The following LMO3 variants were observed in gnomAD, a reference collection of about 807,000 sequenced individuals.
LMO3 encodes the protein LIM domain only protein 3.
Under a neutral mutation model 15.8 loss-of-function variants are expected in LMO3, and 2 were observed. The ratio of observed to expected loss-of-function variants is 0.13; its 90% CI spans 0.05 to 0.40. The LOEUF (loss-of-function observed/expected upper bound fraction) is 0.40, where lower values mean the gene tolerates loss of function less well. Ranked by LOEUF, LMO3 falls within the 10% of genes least tolerant of loss-of-function variation. The probability of loss-of-function intolerance (pLI) is 0.99; values close to 1 mark genes in which losing one functional copy is unlikely to be tolerated. For synonymous variants in LMO3, 62 were observed against 63.8 expected (o/e 0.97, Z 0.13); for missense variants, 86 against 182.2 (o/e 0.47, Z 3.04).
In LMO3 at chr12:16,551,138, C is replaced by T; in HGVS notation, c.*84G>A. On this transcript the variant is annotated 3_prime_UTR_variant, in exon 4 of 4. Coordinates refer to ENST00000537304, the MANE Select transcript of LMO3 (RefSeq NM_018640.5). ...TATATCTACGCTATTCAGTAGGTTC[C>T]TGTGTCAATTCTTATGTACATGTGG... 1 of 876,554 alleles carries T rather than the reference C, an allele frequency of 1.1e-6. No homozygotes were observed. The highest frequency in any genetic ancestry group is 1.9e-6 in the Non-Finnish European group (1 of 516,732). 54.3% of individuals were successfully genotyped at this position (876,554 alleles called of 1,614,324 possible).
chr12:16,594,500 T>A lies in LMO3; in HGVS notation c.206+6155A>T, dbSNP rs372064558. ...CATTTACACTTCATATATTGTATTTTTTATTGATAAAAGTGAGAAACATTG... is the reference window on the plus strand; with the variant it reads ...CATTTACACTTCATATATTGTATTTATTATTGATAAAAGTGAGAAACATTG... On this transcript the variant is annotated intron_variant, in intron 2 of 3. Transcript: ENST00000537304. 2.6e-5 allele frequency among the ~76,000 whole-genome samples: 4 copies of A among 151,628 alleles called. 1 individual carries two copies. Among genetic ancestry groups the A allele is most frequent in the East Asian group, 3.9e-4 (2 of 5,190 alleles).
chr12:16,551,080 C>T lies in LMO3; in HGVS notation c.*142G>A, dbSNP rs777459955. 51 of 571,540 alleles carry T rather than the reference C, an allele frequency of 8.9e-5. No homozygotes were observed. The highest frequency in any genetic ancestry group is 1.3e-4 in the Non-Finnish European group (41 of 317,446). 35.4% of individuals were successfully genotyped at this position (571,540 alleles called of 1,614,324 possible). The stretch of plus-strand genomic sequence containing the variant: ...AATTTCACTACATACAGATGCAGTC[C>T]GCCTTTTATTCCATATAACCATCCT... On this transcript the variant is annotated 3_prime_UTR_variant, in exon 4 of 4. Coordinates refer to ENST00000537304, the MANE Select transcript of LMO3 (RefSeq NM_018640.5).
In LMO3 at chr12:16,587,437, G is replaced by C. The variant is rs1285719255; in HGVS notation, c.206+13218C>G. On this transcript the variant is annotated intron_variant, in intron 2 of 3. Transcript: ENST00000537304. This position sits in a 1 kb window ranked among gnomAD's most constrained non-coding sequence, Gnocchi z 4.3. Reference sequence around the variant, plus strand: ...GCTTTCATTAATTTTCTACAGACTAGAGAGCAAGGAATTCAAGTTCGATTT... The same window carrying C: ...GCTTTCATTAATTTTCTACAGACTACAGAGCAAGGAATTCAAGTTCGATTT... Among the ~76,000 whole-genome samples the C allele has an allele frequency of 6.6e-6, 1 of 152,060 alleles. No individual in the cohort carries two copies. The highest frequency in any genetic ancestry group is 2.1e-4 in the South Asian group (1 of 4,818).
At position 16,550,675 on chromosome 12, in the gene LMO3, CTT is replaced by C. The variant is rs1296447695; in HGVS notation, c.*545_*546del. 1 of 152,310 alleles carries C rather than the reference CTT, an allele frequency of 6.6e-6. No individual in the cohort carries two copies. The highest frequency in any genetic ancestry group is 1.5e-5 in the Non-Finnish European group (1 of 67,990). The allele number at this position is 152,310 out of a possible 1,614,324, so 9.4% of individuals were successfully genotyped here. A position where few individuals can be genotyped will look rare whatever the true frequency, so the allele number is the denominator to read the frequency against. ...TGTCACTAAAATGCTCTGTGTGTGT[CTT>C]TATTTTTTAGTATTTTTAATGTTGA... On this transcript the variant is annotated 3_prime_UTR_variant, in exon 4 of 4. Transcript: ENST00000537304.
In LMO3 at chr12:16,591,866, C is replaced by T. The variant is rs553426438; in HGVS notation, c.206+8789G>A. 2.3e-4 allele frequency among the ~76,000 whole-genome samples: 35 copies of T among 152,112 alleles called. No individual in the cohort carries two copies. In the South Asian group the frequency reaches 7.0e-3, roughly 31 times the overall value. Reference sequence around the variant, plus strand: ...TTATGAAGTCCAGATACTTTATAACCTCCCTGCTTCAGAATATTTTCTAAT... The same window carrying T: ...TTATGAAGTCCAGATACTTTATAACTTCCCTGCTTCAGAATATTTTCTAAT... On this transcript the variant is annotated intron_variant, in intron 2 of 3. Coordinates refer to ENST00000537304, the MANE Select transcript of LMO3 (RefSeq NM_018640.5). This position sits in a 1 kb window ranked among gnomAD's most constrained non-coding sequence, Gnocchi z 4.1.
Position 16,550,443 on chromosome 12 carries a change from A to G in LMO3, c.*779T>C, listed in dbSNP as rs1941946927. On this transcript the variant is annotated 3_prime_UTR_variant, in exon 4 of 4. Coordinates refer to ENST00000537304, the MANE Select transcript of LMO3 (RefSeq NM_018640.5). ...AAACAAAGCCATTGTGTAAGTAAAG[A>G]GCACACAAAAAAAGGATATTAAAAG... 6.6e-6 allele frequency: 1 copy of G among 152,510 alleles called. No individual in the cohort carries two copies. Among genetic ancestry groups the G allele is most frequent in the South Asian group, 2.1e-4 (1 of 4,836 alleles). 9.4% of individuals were successfully genotyped at this position (152,510 alleles called of 1,614,324 possible). A position where few individuals can be genotyped will look rare whatever the true frequency, so the allele number is the denominator to read the frequency against.
chr12:16,564,620 A>C (rs929001963), intron 2 of LMO3, among the ~76,000 whole-genome samples: 1 of 152,194 alleles, frequency 6.6e-6, no homozygotes, highest in Non-Finnish European at 1.5e-5. Context: ...CAGTGGCTCA[A>C]GTCACTAAAT....
chr12:16,555,102 T>G lies in LMO3; in HGVS notation c.333-3775A>C, dbSNP rs928602250. Among the ~76,000 whole-genome samples, 1 of 152,250 alleles carries G rather than the reference T, an allele frequency of 6.6e-6. No individual in the cohort carries two copies. Among genetic ancestry groups the G allele is most frequent in the Admixed American group, 6.5e-5 (1 of 15,286 alleles). On this transcript the variant is annotated intron_variant, in intron 3 of 3. Transcript: ENST00000537304. The surrounding 1 kb of genome is among the most constrained non-coding windows in gnomAD (Gnocchi z 5.5). The stretch of plus-strand genomic sequence containing the variant: ...TGGGATATTTTGAGTATTAAACGAA[T>G]GAGTACATGTAAAACACTCAGAACG...
At chr12:16,570,483 G>A (rs1450120735) in intron 2 of LMO3, among the ~76,000 whole-genome samples, 1 of 152,018 alleles carries the variant, frequency 6.6e-6, no homozygotes, top group African/African-American at 2.4e-5. Flanking sequence ...AAAATGAAAA[G>A]AAGCATTATA....
chr12:16,597,415 ACAT>A lies in LMO3; in HGVS notation c.206+3237_206+3239del, dbSNP rs1261538627. Among the ~76,000 whole-genome samples, 1 of 151,796 alleles carries A rather than the reference ACAT, an allele frequency of 6.6e-6. No homozygotes were observed. The highest frequency in any genetic ancestry group is 2.4e-5 in the African/African-American group (1 of 41,408). On this transcript the variant is annotated intron_variant, in intron 2 of 3. Transcript: ENST00000537304. This position sits in a 1 kb window ranked among gnomAD's most constrained non-coding sequence, Gnocchi z 5.0. Reference sequence around the variant, plus strand: ...TCATCATTCAAAGAACTTATAAATCACATCATCATTATCACTACTCAAAGTAAC... The same window carrying A: ...TCATCATTCAAAGAACTTATAAATCACATCATTATCACTACTCAAAGTAAC...
rs749806288 is a variant in LMO3, at chr12:16,555,171, T to C, written c.333-3844A>G. Among the ~76,000 whole-genome samples, 1 of 152,238 alleles carries C rather than the reference T, an allele frequency of 6.6e-6. No homozygotes were observed. The highest frequency in any genetic ancestry group is 1.5e-5 in the Non-Finnish European group (1 of 68,050). Reference sequence around the variant, plus strand: ...ATACTTTATCAGAATTTGCTATCATTATTATTTGGTAATGATAATCTTTTC... The same window carrying C: ...ATACTTTATCAGAATTTGCTATCATCATTATTTGGTAATGATAATCTTTTC... On this transcript the variant is annotated intron_variant, in intron 3 of 3. Transcript: ENST00000537304. The surrounding 1 kb of genome is among the most constrained non-coding windows in gnomAD (Gnocchi z 5.5).
Position 16,560,278 on chromosome 12 carries a change from G to A in LMO3, c.332+135C>T. The A allele has an allele frequency of 1.1e-6, 1 of 923,478 alleles. No individual in the cohort carries two copies. The highest frequency in any genetic ancestry group is 1.6e-6 in the Non-Finnish European group (1 of 636,590). The allele number at this position is 923,478 out of a possible 1,614,324, so 57.2% of individuals were successfully genotyped here. A position where few individuals can be genotyped will look rare whatever the true frequency, so the allele number is the denominator to read the frequency against. ...TCCTTAGTAGCTTGTCTCTGGCATG[G>A]GATTAAAGTTTACAGAACAGAAAAA... On this transcript the variant is annotated intron_variant, in intron 3 of 3. Coordinates refer to ENST00000537304, the MANE Select transcript of LMO3 (RefSeq NM_018640.5). This position sits in a 1 kb window ranked among gnomAD's most constrained non-coding sequence, Gnocchi z 5.0.
chr12:16,573,184 C>T (rs1477498345), intron 2 of LMO3, among the ~76,000 whole-genome samples: 4 of 151,730 alleles, frequency 2.6e-5, no homozygotes, highest in East Asian at 1.9e-4. Flanking sequence ...ATAAGTGCCC[C>T]GGACAAAAAC....
rs961724791 is a variant in LMO3 at position 16,586,318 on chromosome 12, G to A, written c.206+14337C>T. On this transcript the variant is annotated intron_variant, in intron 2 of 3. Coordinates refer to ENST00000537304, the MANE Select transcript of LMO3 (RefSeq NM_018640.5). This position sits in a 1 kb window ranked among gnomAD's most constrained non-coding sequence, Gnocchi z 4.3. ...TCATGATACGATGAAGTCCACATAC[G>A]GAACAACTAAGAAACAACTAAAACA... Among the ~76,000 whole-genome samples, 2 of 152,082 alleles carry A rather than the reference G, an allele frequency of 1.3e-5. No individual in the cohort carries two copies. The highest frequency in any genetic ancestry group is 2.1e-4 in the South Asian group (1 of 4,828).
Position 16,604,579 on chromosome 12 carries a change from G to A in LMO3, c.-9+1487C>T. Reference sequence around the variant, plus strand: ...CATGCAAAATAAAAAAAAAAAATAAGAAACATACATACACTCTAACAAAGA... The same window carrying A: ...CATGCAAAATAAAAAAAAAAAATAAAAAACATACATACACTCTAACAAAGA... On this transcript the variant is annotated intron_variant, in intron 1 of 3. Coordinates refer to ENST00000537304, the MANE Select transcript of LMO3 (RefSeq NM_018640.5). The surrounding 1 kb of genome is among the most constrained non-coding windows in gnomAD (Gnocchi z 5.3). 1.3e-5 allele frequency: 5 copies of A among 371,270 alleles called. No homozygotes were observed. The highest frequency in any genetic ancestry group is 6.0e-5 in the South Asian group (1 of 16,760). The allele number at this position is 371,270 out of a possible 1,614,324, so 23.0% of individuals were successfully genotyped here. A position where few individuals can be genotyped will look rare whatever the true frequency, so the allele number is the denominator to read the frequency against.
At chr12:16,605,712 G>A in intron 1 of LMO3, 1 of 1,462,906 alleles carries the variant, frequency 6.8e-7, no homozygotes, top group African/African-American at 1.4e-5. Context: ...GGAGTCAGGG[G>A]TGTGGAAATA....
At chr12:16,573,869 C>T (rs1248926055) in intron 2 of LMO3, 2 of 152,288 alleles carry the variant, frequency 1.3e-5, no homozygotes, top group South Asian at 2.1e-4. Flanking sequence ...AAATCACCGT[C>T]TGGAGGCCAC....
At chr12:16,574,193 T>C (rs957715594) in intron 2 of LMO3, among the ~76,000 whole-genome samples, 2 of 152,036 alleles carry the variant, frequency 1.3e-5, no homozygotes, top group Admixed American at 6.6e-5. Context: ...GCTAGAAATT[T>C]TGTATTACAT....
At chr12:16,570,159 T>C (rs952790019) in intron 2 of LMO3, among the ~76,000 whole-genome samples, 1 of 152,188 alleles carries the variant, frequency 6.6e-6, no homozygotes, top group Admixed American at 6.5e-5. Context: ...TGTGATAGTC[T>C]ATTCTATAAT....
Sources: allele counts gnomAD v4.1 joint callset (sites outside exome capture counted in the v4.1 genomes callset), GRCh38; gene constraint gnomAD v4.1.1; non-coding constraint Gnocchi (gnomAD v3.1); transcripts MANE v1.5; gene names NCBI Gene and HGNC (gene_info 2026-07-23, HGNC 2026-07-21).